Variants in SENP1 observed in about 807,000 individuals in gnomAD.
SENP1 encodes the protein SUMO specific peptidase 1.
In SENP1, 21 loss-of-function variants were observed where a neutral mutation model predicts 93.0. The observed-to-expected ratio is 0.23, with a 90% confidence interval of 0.16 to 0.33. The LOEUF is 0.33. Ranked by LOEUF, SENP1 falls within the 10% of genes least tolerant of loss-of-function variation. The probability of loss-of-function intolerance (pLI) is 1.00; values close to 1 mark genes in which losing one functional copy is unlikely to be tolerated. For synonymous variants in SENP1, 256 were observed against 259.6 expected (o/e 0.99, Z 0.13); for missense variants, 591 against 758.7 (o/e 0.78, Z 2.60).
intron 5 of SENP1, among the ~76,000 whole-genome samples, chr12:48,087,396 A>AT (rs999129239): frequency 6.6e-6 from 1 of 152,158 alleles, no homozygotes; most frequent in African/African-American, 2.4e-5. Flanking sequence ...CTGTAATAAC[A>AT]TTTTTTTAAA....
chr12:48,097,583 G>A (rs904392699), intron 3 of SENP1, among the ~76,000 whole-genome samples: 5 of 152,186 alleles, frequency 3.3e-5, no homozygotes, highest in African/African-American at 9.7e-5. Flanking sequence ...AAGCTCCCAA[G>A]TAATGTTGAT....
At chr12:48,098,681 C>T (rs1260692783) in intron 2 of SENP1, among the ~76,000 whole-genome samples, 2 of 150,572 alleles carry the variant, frequency 1.3e-5, no homozygotes, top group Admixed American at 6.6e-5. Flanking sequence ...CAATGTGGCA[C>T]GTGTCTGTAG....
intron 13 of SENP1, among the ~76,000 whole-genome samples, chr12:48,051,699 G>C (rs934309380): frequency 6.6e-5 from 10 of 152,224 alleles, no homozygotes; most frequent in African/African-American, 2.4e-4. Flanking sequence ...GGATCACAGT[G>C]TTCAAGATGA....
intron 16 of SENP1, 80 bp downstream of exon 16, chr12:48,046,898 C>T: frequency 2.2e-6 from 2 of 895,988 alleles, no homozygotes; most frequent in East Asian, 4.9e-5. Flanking sequence ...ACAGGTGGTC[C>T]CTGGGAATTA....
At chr12:48,075,533 CTATTT>C (rs757872218) in intron 6 of SENP1, among the ~76,000 whole-genome samples, 15 of 152,122 alleles carry the variant, frequency 9.9e-5, no homozygotes, top group Non-Finnish European at 2.1e-4. Context: ...CAACAGTTTC[CTATTT>C]TATTTAAGTG....
At position 48,044,981 on chromosome 12, in the gene SENP1, T is replaced by C; in HGVS notation, c.*341A>G. ...AACAAGAATTTATATGAAACCAAGA[T>C]TCTTTCCAAGCTTTTCTCAGTCCCA... is the stretch of plus-strand genomic sequence containing the variant. On this transcript the variant is annotated 3_prime_UTR_variant, in exon 18 of 18. Coordinates refer to ENST00000549518, the MANE Select transcript of SENP1 (RefSeq NM_001267594.2). 3.5e-6 allele frequency: 1 copy of C among 288,766 alleles called. No individual in the cohort carries two copies. The highest frequency in any genetic ancestry group is 4.4e-5 in the Admixed American group (1 of 22,508). The allele number at this position is 288,766 out of a possible 1,614,324, so 17.9% of individuals were successfully genotyped here.
intron 1 of SENP1, chr12:48,105,269 G>T (rs573717391): frequency 4.7e-5 from 20 of 428,734 alleles, no homozygotes; most frequent in South Asian, 3.2e-4. Flanking sequence ...GCAAGTTACT[G>T]CTAACAAGAT....
intron 1 of SENP1, among the ~76,000 whole-genome samples, chr12:48,103,411 T>C (rs1277387890): frequency 6.6e-6 from 1 of 152,210 alleles, no homozygotes; most frequent in Non-Finnish European, 1.5e-5. Context: ...CAAAGATTAA[T>C]ACACACTGGC....
In SENP1 at chr12:48,096,489, CTT is replaced by C. The variant is rs1945568029; in HGVS notation, c.136-64_136-63del. The C allele has an allele frequency of 2.3e-5, 24 of 1,029,930 alleles. No homozygotes were observed. The East Asian group carries it at 5.9e-4, about 25-fold the overall frequency. 63.8% of individuals were successfully genotyped at this position (1,029,930 alleles called of 1,614,324 possible). A position where few individuals can be genotyped will look rare whatever the true frequency, so the allele number is the denominator to read the frequency against. ...TTTTTTTTTTTGAGACAGTCTCACT[CTT>C]GTTGCCCAGGCTGGAGTACACCGGC... On this transcript the variant is annotated intron_variant, in intron 3 of 17. Transcript: ENST00000549518.
At position 48,063,829 on chromosome 12, in the gene SENP1, C is replaced by A; in HGVS notation, c.1288G>T (p.Glu430Ter). 1.2e-6 allele frequency: 2 copies of A among 1,610,462 alleles called. No individual in the cohort carries two copies. The highest frequency in any genetic ancestry group is 8.5e-7 in the Non-Finnish European group (1 of 1,178,840). Reference sequence around the variant, plus strand: ...CCATTACGAAATACATTCTTTATTTCTTTCTCCATTTCCTAAGAAAACAAA... The same window carrying A: ...CCATTACGAAATACATTCTTTATTTATTTCTCCATTTCCTAAGAAAACAAA... ...FPEITEEMEK[E>*]IKNVFRNGNQ... The change falls in exon 13 of 18, where the codon GAA becomes TAA. Residue 430 changes from glutamate (E) to a stop codon, truncating the protein, a stop_gained. Transcript: ENST00000549518. LOFTEE classifies it high-confidence loss of function.
Position 48,082,873 on chromosome 12 carries a change from C to T in SENP1, c.552+718G>A, listed in dbSNP as rs539054686. Among the ~76,000 whole-genome samples, 5 of 151,982 alleles carry T rather than the reference C, an allele frequency of 3.3e-5. No homozygotes were observed. In the East Asian group the frequency reaches 9.6e-4, roughly 29 times the overall value. ...TCTCTTATATTGAAGAAAAATTGTT[C>T]CTGGTAAGAAGAATAGGTATTTCAT... is the stretch of plus-strand genomic sequence containing the variant. On this transcript the variant is annotated intron_variant, in intron 6 of 17. Coordinates refer to ENST00000549518, the MANE Select transcript of SENP1 (RefSeq NM_001267594.2).
chr12:48,077,247 T>C (rs567031981), intron 6 of SENP1, among the ~76,000 whole-genome samples: 3 of 152,296 alleles, frequency 2.0e-5, no homozygotes, highest in East Asian at 3.9e-4. Context: ...ACACTGTTAA[T>C]TGTTTCCTTT....
intron 1 of SENP1, among the ~76,000 whole-genome samples, chr12:48,103,855 T>G (rs185893623): frequency 1.5e-4 from 23 of 152,168 alleles, no homozygotes; most frequent in African/African-American, 4.8e-4. Context: ...ACTTATAACC[T>G]TACATATATG....
rs1210666599 is a variant in SENP1 at position 48,063,818 on chromosome 12, A to G, written c.1299T>C (p.Asn433=). ...ITEEMEKEIK[N]VFRNGNQDEV... ...CATCCTGATTCCCATTACGAAATAC[A>G]TTCTTTATTTCTTTCTCCATTTCCT... The change falls in exon 13 of 18, where the codon AAT becomes AAC. Residue 433 remains asparagine, a synonymous_variant. Coordinates refer to ENST00000549518, the MANE Select transcript of SENP1 (RefSeq NM_001267594.2). The G allele has an allele frequency of 6.2e-7, 1 of 1,612,134 alleles. No homozygotes were observed. Among genetic ancestry groups the G allele is most frequent in the Non-Finnish European group, 8.5e-7 (1 of 1,179,376 alleles).
chr12:48,074,216 G>A lies in SENP1; in HGVS notation c.940+108C>T, dbSNP rs574647224. 4.7e-5 allele frequency: 44 copies of A among 940,890 alleles called. No homozygotes were observed. In the African/African-American group the frequency reaches 4.8e-4, roughly 10 times the overall value. 58.3% of individuals were successfully genotyped at this position (940,890 alleles called of 1,614,324 possible). The stretch of plus-strand genomic sequence containing the variant: ...TTTCGGACTTCATATTTTCAGATTC[G>A]GTATGCTCATTTATTTATATGTATA... On this transcript the variant is annotated intron_variant, in intron 8 of 17. Transcript: ENST00000549518.
chr12:48,105,651 C>T, intron 1 of SENP1: 1 of 428,582 alleles, frequency 2.3e-6, no homozygotes, highest in South Asian at 1.9e-5. Context: ...CCGGTGAAAA[C>T]AGCTCTCCCC....
rs1203895366 is a variant in SENP1, at chr12:48,056,543, T to C, written c.1407+7167A>G. 1.1e-4 allele frequency among the ~76,000 whole-genome samples: 7 copies of C among 65,438 alleles called. No homozygotes were observed. The Admixed American group carries it at 2.0e-3, about 18-fold the overall frequency. The allele number at this position is 65,438 out of a possible 152,430, so 42.9% of individuals were successfully genotyped here. A position where few individuals can be genotyped will look rare whatever the true frequency, so the allele number is the denominator to read the frequency against. ...ATATATTACATATATAAATATATTATTTAATATATTACATATATAAATATA... is the reference window on the plus strand; with the variant it reads ...ATATATTACATATATAAATATATTACTTAATATATTACATATATAAATATA... On this transcript the variant is annotated intron_variant, in intron 13 of 17. Coordinates refer to ENST00000549518, the MANE Select transcript of SENP1 (RefSeq NM_001267594.2).
At position 48,045,077 on chromosome 12, in the gene SENP1, C is replaced by G. The variant is rs1457384530; in HGVS notation, c.*245G>C. 3 of 469,216 alleles carry G rather than the reference C, an allele frequency of 6.4e-6. No homozygotes were observed. The highest frequency in any genetic ancestry group is 1.9e-5 in the African/African-American group (1 of 52,318). 29.1% of individuals were successfully genotyped at this position (469,216 alleles called of 1,614,324 possible). ...CAGAACTGAAGAAGTGAAAAGCAGTCTCTCTCTTCAGCTTAGGGATGTCCC... is the reference window on the plus strand; with the variant it reads ...CAGAACTGAAGAAGTGAAAAGCAGTGTCTCTCTTCAGCTTAGGGATGTCCC... On this transcript the variant is annotated 3_prime_UTR_variant, in exon 18 of 18. Transcript: ENST00000549518.
intron 9 of SENP1, among the ~76,000 whole-genome samples, chr12:48,068,214 G>A (rs1943432856): frequency 1.3e-5 from 2 of 152,060 alleles, no homozygotes; most frequent in Admixed American, 6.6e-5. Flanking sequence ...GTAGGGACAA[G>A]CAGTTTTCTT....
Sources: gnomAD v4.1 joint callset for allele counts (sites outside exome capture counted in the v4.1 genomes callset) on GRCh38, gnomAD v4.1.1 for gene constraint, MANE v1.5 for transcripts, NCBI Gene and HGNC (gene_info 2026-07-23, HGNC 2026-07-21) for gene names.